Variants in RIC1 observed in about 807,000 individuals in gnomAD.
RIC1 encodes the protein RIC1 partner of RAB6A GEF complex, also known as guanine nucleotide exchange factor subunit RIC1.
RIC1 carries 88 observed loss-of-function variants against 169.0 expected under a neutral mutation model. That is an observed-to-expected ratio of 0.52 (90% CI 0.44 to 0.62). The LOEUF (loss-of-function observed/expected upper bound fraction) is 0.62, where lower values mean the gene tolerates loss of function less well. Ranked by LOEUF, RIC1 falls within the 20% of genes least tolerant of loss-of-function variation. The pLI is 0.00. For synonymous variants in RIC1, 790 were observed against 601.5 expected, an observed-to-expected ratio of 1.31 and a Z score of -4.59; for missense variants, 1,877 against 1,725.5, an observed-to-expected ratio of 1.09 and a Z score of -1.56.
At chr9:5,743,772 A>T (rs1333713170) in intron 10 of RIC1, 35 bp downstream of exon 10, 5 of 1,492,290 alleles carry the variant, frequency 3.4e-6, no homozygotes, top group African/African-American at 1.4e-5. Context: ...GCATGGTATT[A>T]AAAAAACTTG....
At chr9:5,639,081 A>G (rs944812918) in intron 1 of RIC1, among the ~76,000 whole-genome samples, 2 of 152,070 alleles carry the variant, frequency 1.3e-5, no homozygotes, top group Non-Finnish European at 2.9e-5. Flanking sequence ...GTGCCCAGCT[A>G]ATTTTTGTAG....
chr9:5,759,455 A>G (rs945289987), intron 17 of RIC1, among the ~76,000 whole-genome samples: 1 of 152,236 alleles, frequency 6.6e-6, no homozygotes, highest in African/African-American at 2.4e-5. Context: ...TAGATTAAAT[A>G]AGACTTTGAA....
intron 3 of RIC1, among the ~76,000 whole-genome samples, chr9:5,702,687 C>G (rs150546533): frequency 6.6e-6 from 1 of 152,068 alleles, no homozygotes; most frequent in Non-Finnish European, 1.5e-5. Context: ...TACAGGCACA[C>G]GCCGCCATGC....
intron 3 of RIC1, among the ~76,000 whole-genome samples, chr9:5,711,166 C>T (rs1020959707): frequency 2.0e-5 from 3 of 152,074 alleles, no homozygotes; most frequent in Non-Finnish European, 4.4e-5. Context: ...ATCCTAGGTA[C>T]TTCAGAGGAA....
intron 6 of RIC1, among the ~76,000 whole-genome samples, chr9:5,723,778 G>T (rs1220999858): frequency 6.6e-6 from 1 of 152,100 alleles, no homozygotes; most frequent in Admixed American, 6.5e-5. Flanking sequence ...TCTACATATG[G>T]CTAGCCCGTT....
rs886669934 is a variant in RIC1, at chr9:5,656,767, ACTTT to A, written c.252+83_252+86del. The A allele has an allele frequency of 3.2e-5, 27 of 836,562 alleles. No individual in the cohort carries two copies. In the Admixed American group the frequency reaches 4.3e-4, roughly 13 times the overall value. The allele number at this position is 836,562 out of a possible 1,614,324, so 51.8% of individuals were successfully genotyped here. On this transcript the variant is annotated intron_variant, in intron 2 of 25. Coordinates refer to ENST00000414202, the MANE Select transcript of RIC1 (RefSeq NM_020829.4). ...CATTTAAATTTGATTCTCTTAGATG[ACTTT>A]CTTTCAGTCTTTTGCACTCATAAGT... is the stretch of plus-strand genomic sequence containing the variant.
In RIC1 at chr9:5,775,436, A is replaced by C. The variant is rs549622472; in HGVS notation, c.*1190A>C. 6 of 152,350 alleles carry C rather than the reference A, an allele frequency of 3.9e-5. No individual in the cohort carries two copies. The East Asian group carries it at 9.6e-4, about 24-fold the overall frequency. 9.4% of individuals were successfully genotyped at this position (152,350 alleles called of 1,614,324 possible). On this transcript the variant is annotated 3_prime_UTR_variant, in exon 26 of 26. Transcript: ENST00000414202. ...CTGTATGTAATTCTAATTACCTTAT[A>C]ACAGTATTAAGACAGCTTGTTTGTA...
At chr9:5,714,029 A>C (rs761439566) in intron 4 of RIC1, 26 bp downstream of exon 4, 2 of 1,464,192 alleles carry the variant, frequency 1.4e-6, no homozygotes. Flanking sequence ...TAAATTTGAC[A>C]TTGTGTGATG....
rs372472164 is a variant in RIC1 at position 5,652,002 on chromosome 9, T to G, written c.145-4581T>G. On this transcript the variant is annotated intron_variant, in intron 1 of 25. Coordinates refer to ENST00000414202, the MANE Select transcript of RIC1 (RefSeq NM_020829.4). ...TTCTCCAATGTGTGCTCTTGGCACC[T>G]GTTTTTTGAAAATCAGTTGGCTGTA... 5.9e-5 allele frequency among the ~76,000 whole-genome samples: 9 copies of G among 152,364 alleles called. No individual in the cohort carries two copies. The East Asian group carries it at 7.7e-4, about 13-fold the overall frequency.
chr9:5,639,452 A>G lies in RIC1; in HGVS notation c.144+9999A>G, dbSNP rs138913116. On this transcript the variant is annotated intron_variant, in intron 1 of 25. Transcript: ENST00000414202. Reference sequence around the variant, plus strand: ...TTCTAGTTTAACTCTATTATGAGAGAAGATGCTTGATATTATTTCAGTTTT... The same window carrying G: ...TTCTAGTTTAACTCTATTATGAGAGGAGATGCTTGATATTATTTCAGTTTT... 2.8e-4 allele frequency among the ~76,000 whole-genome samples: 43 copies of G among 152,308 alleles called. No individual in the cohort carries two copies. The Middle Eastern group carries it at 0.027, about 97-fold the overall frequency.
At chr9:5,757,782 T>C (rs1356208106) in intron 17 of RIC1, among the ~76,000 whole-genome samples, 1 of 152,108 alleles carries the variant, frequency 6.6e-6, no homozygotes, top group Non-Finnish European at 1.5e-5. Context: ...GTAGAAATTA[T>C]CCAAGTTAAG....
At chr9:5,747,619 A>C (rs1825460215) in intron 12 of RIC1, 114 bp downstream of exon 12, 1 of 907,282 alleles carries the variant, frequency 1.1e-6, no homozygotes, top group East Asian at 2.5e-5. Context: ...CCTTTTAACC[A>C]TTTTGTCATG....
intron 6 of RIC1, among the ~76,000 whole-genome samples, chr9:5,722,260 T>TC (rs1823645265): frequency 6.7e-6 from 1 of 150,360 alleles, no homozygotes. Context: ...GAAGAGATTT[T>TC]TTTTTTTTTT....
intron 1 of RIC1, among the ~76,000 whole-genome samples, chr9:5,646,793 T>C (rs775630042): frequency 2.6e-5 from 4 of 152,250 alleles, no homozygotes; most frequent in Non-Finnish European, 4.4e-5. Flanking sequence ...TAGCCATTGA[T>C]GCACAGCATT....
In RIC1 at chr9:5,735,527, A is replaced by C. The variant is rs560647301; in HGVS notation, c.813-2923A>C. Reference sequence around the variant, plus strand: ...TGGCCTATAGCTTTTCAGTCACCTCAGTTTTCATCAGCTACGAGACTACAA... The same window carrying C: ...TGGCCTATAGCTTTTCAGTCACCTCCGTTTTCATCAGCTACGAGACTACAA... On this transcript the variant is annotated intron_variant, in intron 7 of 25. Coordinates refer to ENST00000414202, the MANE Select transcript of RIC1 (RefSeq NM_020829.4). Among the ~76,000 whole-genome samples, 3 of 152,302 alleles carry C rather than the reference A, an allele frequency of 2.0e-5. 1 individual carries two copies. In the South Asian group the frequency reaches 6.2e-4, roughly 32 times the overall value.
intron 6 of RIC1, 99 bp downstream of exon 6, chr9:5,720,849 T>C: frequency 9.1e-7 from 1 of 1,094,670 alleles, no homozygotes; most frequent in Non-Finnish European, 1.3e-6. Context: ...TGTAAGATTT[T>C]AAGGGTTGTT....
chr9:5,725,489 C>G (rs545688286), intron 6 of RIC1, among the ~76,000 whole-genome samples: 47 of 152,044 alleles, frequency 3.1e-4, no homozygotes, highest in African/African-American at 1.1e-3. Flanking sequence ...TCAATTTCGT[C>G]AGTCTTTTCA....
chr9:5,635,759 C>G (rs573476954), intron 1 of RIC1, among the ~76,000 whole-genome samples: 2 of 152,160 alleles, frequency 1.3e-5, no homozygotes, highest in Admixed American at 1.3e-4. Flanking sequence ...TAAGTTCTCA[C>G]GAGATCTGAT....
chr9:5,754,417 G>T (rs917833435), intron 14 of RIC1, among the ~76,000 whole-genome samples: 3 of 152,088 alleles, frequency 2.0e-5, no homozygotes, highest in Admixed American at 6.5e-5. Flanking sequence ...GAGAGAGGGG[G>T]AGTAAGAGCA....
Sources: allele counts gnomAD v4.1 joint callset (sites outside exome capture counted in the v4.1 genomes callset), GRCh38; gene constraint gnomAD v4.1.1; transcripts MANE v1.5; gene names NCBI Gene and HGNC (gene_info 2026-07-23, HGNC 2026-07-21).